GLCCI1: variants seen among roughly 807,000 people sequenced by gnomAD.
The protein encoded by GLCCI1 is glucocorticoid-induced transcript 1 protein.
In GLCCI1, 24 loss-of-function variants were observed where a neutral mutation model predicts 52.2. The ratio of observed to expected loss-of-function variants is 0.46; its 90% confidence interval spans 0.33 to 0.65. The LOEUF is 0.65. Among genes scored for constraint, GLCCI1 ranks in the 30% least tolerant of loss-of-function variants. GLCCI1 has a pLI of 0.02. For synonymous variants in GLCCI1, 310 were observed against 276.5 expected, an observed-to-expected ratio of 1.12 and a Z score of -1.20; for missense variants, 704 against 701.5, an observed-to-expected ratio of 1.00 and a Z score of -0.04.
rs1780510535 is a variant in GLCCI1, at chr7:7,977,244, CTT to C, written c.457+7438_457+7439del. 3.9e-5 allele frequency among the ~76,000 whole-genome samples: 6 copies of C among 152,240 alleles called. No individual in the cohort carries two copies. The South Asian group carries it at 1.0e-3, about 26-fold the overall frequency. ...GTGGCTTGATTAGCTTTATTAATAA[CTT>C]ATTGATAACATATACATAAAATTGA... On this transcript the variant is annotated intron_variant, in intron 1 of 7. Transcript: ENST00000223145.
chr7:8,005,136 C>G (rs1279594478), intron 2 of GLCCI1, among the ~76,000 whole-genome samples: 1 of 152,026 alleles, frequency 6.6e-6, no homozygotes, highest in African/African-American at 2.4e-5. Context: ...ACTAGCAAAA[C>G]TTAGAGGTGT....
At position 8,087,473 on chromosome 7, in the gene GLCCI1, A is replaced by G. The variant is rs1444950841; in HGVS notation, c.*935A>G. On this transcript the variant is annotated 3_prime_UTR_variant, in exon 8 of 8. Transcript: ENST00000223145. ...TTGTGTGTGATGAAATTTAAAGACA[A>G]GAATGTCTAGAGTTAATTTCAAAAT... 6.6e-6 allele frequency: 1 copy of G among 152,658 alleles called. No individual in the cohort carries two copies. Among genetic ancestry groups the G allele is most frequent in the East Asian group, 1.9e-4 (1 of 5,202 alleles). The allele number at this position is 152,658 out of a possible 1,614,324, so 9.5% of individuals were successfully genotyped here. A position where few individuals can be genotyped will look rare whatever the true frequency, so the allele number is the denominator to read the frequency against.
At chr7:8,036,602 T>C (rs556864259) in intron 3 of GLCCI1, among the ~76,000 whole-genome samples, 6 of 152,306 alleles carry the variant, frequency 3.9e-5, no homozygotes, top group Admixed American at 2.0e-4. Flanking sequence ...AGAATATTGA[T>C]ACTAAAGTTC....
At chr7:8,034,914 A>G (rs749937951) in intron 3 of GLCCI1, among the ~76,000 whole-genome samples, 3 of 152,170 alleles carry the variant, frequency 2.0e-5, no homozygotes, top group Non-Finnish European at 1.5e-5. Flanking sequence ...TACTGAGGGC[A>G]TTACACCAGA....
At chr7:8,043,508 A>G (rs766910261) in intron 3 of GLCCI1, among the ~76,000 whole-genome samples, 5 of 152,220 alleles carry the variant, frequency 3.3e-5, no homozygotes, top group Admixed American at 6.5e-5. Context: ...AGTTTTATCA[A>G]AATTGCAGAA....
chr7:8,086,138 G>A lies in GLCCI1; in HGVS notation c.1299-55G>A. ...GAGAACTCCAGTTAATTCAGAAAAT[G>A]CTTAACTTTTTCTGTGTTCATGATT... On this transcript the variant is annotated intron_variant, in intron 7 of 7. Transcript: ENST00000223145. The surrounding 1 kb of genome is among the most constrained non-coding windows in gnomAD (Gnocchi z 4.4). The A allele has an allele frequency of 6.9e-7, 1 of 1,442,588 alleles. No individual in the cohort carries two copies. The highest frequency in any genetic ancestry group is 9.4e-7 in the Non-Finnish European group (1 of 1,063,174). The allele number at this position is 1,442,588 out of a possible 1,614,324, so 89.4% of individuals were successfully genotyped here.
intron 3 of GLCCI1, among the ~76,000 whole-genome samples, chr7:8,044,286 C>T (rs116517607): frequency 7.7e-4 from 117 of 151,998 alleles, no homozygotes; most frequent in African/African-American, 2.7e-3. Flanking sequence ...CACTAAAGTT[C>T]AGTGCTTTTT....
At chr7:7,986,033 C>G (rs1472407428) in intron 1 of GLCCI1, among the ~76,000 whole-genome samples, 2 of 152,152 alleles carry the variant, frequency 1.3e-5, no homozygotes, top group Non-Finnish European at 2.9e-5. Flanking sequence ...GTTTACAAAT[C>G]TGAATTTTTT....
intron 3 of GLCCI1, among the ~76,000 whole-genome samples, chr7:8,032,239 G>T (rs1483369523): frequency 1.3e-5 from 2 of 152,008 alleles, no homozygotes; most frequent in Non-Finnish European, 2.9e-5. Context: ...ACTCAACTTA[G>T]AATTTATGTA....
intron 3 of GLCCI1, among the ~76,000 whole-genome samples, chr7:8,024,540 G>C (rs184997196): frequency 2.0e-5 from 3 of 152,324 alleles, no homozygotes; most frequent in Admixed American, 2.0e-4. Flanking sequence ...ATTTGAATCC[G>C]TAGGAAGAAT....
At chr7:8,073,439 G>T (rs1468767533) in intron 6 of GLCCI1, among the ~76,000 whole-genome samples, 1 of 151,880 alleles carries the variant, frequency 6.6e-6, no homozygotes, top group Non-Finnish European at 1.5e-5. Flanking sequence ...ATTTTCCTCT[G>T]TGCCCTTTTG....
chr7:8,021,649 C>A (rs963237800), intron 2 of GLCCI1, among the ~76,000 whole-genome samples: 1 of 152,128 alleles, frequency 6.6e-6, no homozygotes, highest in African/African-American at 2.4e-5. Context: ...GTGATCCACC[C>A]GCCTTGGCCT....
chr7:8,060,726 A>G (rs77815610), intron 5 of GLCCI1, among the ~76,000 whole-genome samples: 2,998 of 152,336 alleles, frequency 0.02, 71 homozygotes, highest in East Asian at 0.074. Flanking sequence ...TCATCAATTA[A>G]TGGAAATTTG....
intron 1 of GLCCI1, among the ~76,000 whole-genome samples, chr7:7,997,745 T>C (rs967803565): frequency 2.6e-5 from 4 of 152,004 alleles, no homozygotes; most frequent in Non-Finnish European, 5.9e-5. Context: ...CTGGCCAACA[T>C]AGTGAAACCC....
chr7:8,024,610 G>A (rs1247416500), intron 3 of GLCCI1: 5 of 152,190 alleles, frequency 3.3e-5, no homozygotes, highest in African/African-American at 1.2e-4. Flanking sequence ...TAATACTGTT[G>A]TGTTGGATTT....
Position 8,071,071 on chromosome 7 carries a change from C to T in GLCCI1, c.1117C>T (p.Pro373Ser), listed in dbSNP as rs1782751309. 3 of 1,614,208 alleles carry T rather than the reference C, an allele frequency of 1.9e-6. No homozygotes were observed. In the East Asian group the frequency reaches 6.7e-5, roughly 36 times the overall value. The change falls in exon 6 of 8, where the codon CCG (proline) becomes TCG (serine). Residue 373 changes from proline (P) to serine (S), a missense_variant. Pro to Ser is a moderately conservative substitution (Grantham distance 74). This residue lies in a region of GLCCI1 where 547 missense variants were observed against 524.8 expected (regional missense o/e 1.04). Transcript: ENST00000223145. The part of the protein sequence containing the change: ...HSPCVSPFCP[P>S]ESQDGSPCST... ...ACCCTGTGTCTCCCCTTTTTGTCCCCCGGAATCCCAGGATGGTAGCCCTTG... is the reference window on the plus strand; with the variant it reads ...ACCCTGTGTCTCCCCTTTTTGTCCCTCGGAATCCCAGGATGGTAGCCCTTG...
chr7:7,984,652 A>G (rs888319227), intron 1 of GLCCI1, among the ~76,000 whole-genome samples: 2 of 152,264 alleles, frequency 1.3e-5, no homozygotes, highest in African/African-American at 2.4e-5. Flanking sequence ...AGTCAGTTAC[A>G]CAAGGTTGAG....
intron 1 of GLCCI1, among the ~76,000 whole-genome samples, chr7:8,002,211 A>T (rs1285535600): frequency 6.6e-6 from 1 of 152,202 alleles, no homozygotes; most frequent in African/African-American, 2.4e-5. Context: ...AGTAGTTTAA[A>T]GCTTTTAGAG....
chr7:8,003,268 GAACTGGTCTT>G (rs1364862449), intron 1 of GLCCI1, among the ~76,000 whole-genome samples: 3 of 152,148 alleles, frequency 2.0e-5, no homozygotes, highest in Admixed American at 1.3e-4. Flanking sequence ...TGTGACATCT[GAACTGGTCTT>G]GAAGATAAAT....
Sources: allele counts gnomAD v4.1 joint callset (sites outside exome capture counted in the v4.1 genomes callset), GRCh38; gene constraint gnomAD v4.1.1; regional missense constraint gnomAD v4.1.1; non-coding constraint Gnocchi (gnomAD v3.1); transcripts MANE v1.5; gene names NCBI Gene and HGNC (gene_info 2026-07-23, HGNC 2026-07-21).